SCG5: variants seen among roughly 807,000 people sequenced by gnomAD.
SCG5 encodes secretogranin V.
In SCG5, 18 loss-of-function variants were observed where a neutral mutation model predicts 25.7. The observed-to-expected ratio is 0.70, with a 90% confidence interval of 0.48 to 1.04. The LOEUF is 1.04. Ranked by LOEUF, SCG5 falls within the 50% of genes least tolerant of loss-of-function variation. The pLI is 0.00. For missense variants in SCG5, 206 were observed against 259.8 expected, an observed-to-expected ratio of 0.79 and a Z score of 1.42; for synonymous variants, 101 against 91.7, an observed-to-expected ratio of 1.10 and a Z score of -0.58.
chr15:32,647,028 T>C (rs950241016), intron 2 of SCG5, among the ~76,000 whole-genome samples: 6 of 152,236 alleles, frequency 3.9e-5, no homozygotes, highest in African/African-American at 1.4e-4. Flanking sequence ...ATGGTGCTTA[T>C]GAGCACAAAC....
intron 2 of SCG5, among the ~76,000 whole-genome samples, chr15:32,662,481 C>G (rs2054235634): frequency 6.8e-6 from 1 of 148,020 alleles, no homozygotes; most frequent in South Asian, 2.2e-4. Flanking sequence ...TATTATATAG[C>G]TTTTTGCTTT....
chr15:32,681,480 TTTTTC>T (rs1376547317), intron 3 of SCG5, among the ~76,000 whole-genome samples: 2 of 133,070 alleles, frequency 1.5e-5, no homozygotes, highest in African/African-American at 5.4e-5. Context: ...TTTCTTTTTC[TTTTTC>T]TTTTTTTTTT....
At chr15:32,667,915 T>A (rs1345488722) in intron 2 of SCG5, among the ~76,000 whole-genome samples, 1 of 152,186 alleles carries the variant, frequency 6.6e-6, no homozygotes, top group African/African-American at 2.4e-5. Flanking sequence ...CCTCAAGTGA[T>A]CCACCCGCTT....
intron 2 of SCG5, among the ~76,000 whole-genome samples, chr15:32,670,094 T>C (rs1263050135): frequency 6.6e-6 from 1 of 152,216 alleles, no homozygotes; most frequent in Non-Finnish European, 1.5e-5. Flanking sequence ...ATGTTGGCTT[T>C]GGTCCCCAAG....
intron 2 of SCG5, among the ~76,000 whole-genome samples, chr15:32,677,920 C>T (rs2054556666): frequency 6.6e-6 from 1 of 152,192 alleles, no homozygotes; most frequent in Admixed American, 6.5e-5. Flanking sequence ...TTCTTATTCA[C>T]TGCTGTGTTT....
At chr15:32,685,025 C>T (rs1357416334) in intron 4 of SCG5, among the ~76,000 whole-genome samples, 1 of 152,094 alleles carries the variant, frequency 6.6e-6, no homozygotes, top group African/African-American at 2.4e-5. Flanking sequence ...TTAATTGACA[C>T]AGAAAATTTG....
At chr15:32,646,523 A>G (rs558840376) in intron 2 of SCG5, among the ~76,000 whole-genome samples, 2 of 152,318 alleles carry the variant, frequency 1.3e-5, no homozygotes, top group Admixed American at 1.3e-4. Context: ...TTATAATGTA[A>G]TATGATCCTG....
At chr15:32,689,667 C>T (rs1485024503) in intron 4 of SCG5, among the ~76,000 whole-genome samples, 3 of 152,076 alleles carry the variant, frequency 2.0e-5, no homozygotes. Context: ...CTTCTCTTAC[C>T]CATACCATAC....
At chr15:32,672,199 C>T (rs768150634) in intron 2 of SCG5, among the ~76,000 whole-genome samples, 1 of 152,236 alleles carries the variant, frequency 6.6e-6, no homozygotes, top group East Asian at 1.9e-4. Flanking sequence ...GGGCCTGTGC[C>T]CGCTCCCTGC....
rs1477559180 is a variant in SCG5 at position 32,647,490 on chromosome 15, G to T, written c.226+3672G>T. 1.3e-5 allele frequency among the ~76,000 whole-genome samples: 2 copies of T among 152,076 alleles called. 1 individual carries two copies. Among genetic ancestry groups the T allele is most frequent in the Admixed American group, 1.3e-4 (2 of 15,270 alleles). ...TATAAATTAATGTTAGGTCAGTGAGGTATCATATATCCCATTAAAAAAAAC... is the reference window on the plus strand; with the variant it reads ...TATAAATTAATGTTAGGTCAGTGAGTTATCATATATCCCATTAAAAAAAAC... On this transcript the variant is annotated intron_variant, in intron 2 of 5. Coordinates refer to ENST00000300175, the MANE Select transcript of SCG5 (RefSeq NM_001144757.3).
rs772321930 is a variant in SCG5 at position 32,696,541 on chromosome 15, A to G, written c.571A>G (p.Arg191Gly). ...TGTCAATCCATATCTACAAGGACAG[A>G]GACTGGATAATGTTGTTGCAAAGAA... The part of the protein sequence containing the change: ...RSVNPYLQGQ[R>G]LDNVVAKKSV... The change falls in exon 6 of 6, where the codon AGA becomes GGA. Residue 191 changes from arginine to glycine, a missense_variant. Transcript: ENST00000300175. 2 of 1,612,820 alleles carry G rather than the reference A, an allele frequency of 1.2e-6. No homozygotes were observed. The highest frequency in any genetic ancestry group is 1.7e-5 in the Admixed American group (1 of 59,964).
Position 32,649,003 on chromosome 15 carries a change from G to C in SCG5, c.226+5185G>C, listed in dbSNP as rs566160190. On this transcript the variant is annotated intron_variant, in intron 2 of 5. Coordinates refer to ENST00000300175, the MANE Select transcript of SCG5 (RefSeq NM_001144757.3). ...AGCCTCCTGACCTCGTGATCCTCCC[G>C]CCTTGGCCTCCCAAAGTGCTGGGAT... 1.7e-3 allele frequency among the ~76,000 whole-genome samples: 256 copies of C among 152,162 alleles called. 1 individual carries two copies. The highest frequency in any genetic ancestry group is 0.01 in the Middle Eastern group (3 of 294).
chr15:32,663,075 A>G lies in SCG5; in HGVS notation c.227-16691A>G, dbSNP rs111486534. ...TATATATATATATATATATATATAT[A>G]TATAATATATAATATGTTATATATA... On this transcript the variant is annotated intron_variant, in intron 2 of 5. Coordinates refer to ENST00000300175, the MANE Select transcript of SCG5 (RefSeq NM_001144757.3). Among the ~76,000 whole-genome samples, 6 of 57,028 alleles carry G rather than the reference A, an allele frequency of 1.1e-4. 1 individual carries two copies. Among genetic ancestry groups the G allele is most frequent in the Non-Finnish European group, 2.5e-4 (6 of 24,284 alleles). The allele number at this position is 57,028 out of a possible 152,430, so 37.4% of individuals were successfully genotyped here.
At chr15:32,655,484 T>C (rs1240469900) in intron 2 of SCG5, among the ~76,000 whole-genome samples, 2 of 152,142 alleles carry the variant, frequency 1.3e-5, no homozygotes, top group African/African-American at 2.4e-5. Context: ...TTACAGCTGG[T>C]GGGTGCCCCC....
At chr15:32,680,188 G>C (rs1453042574) in intron 3 of SCG5, among the ~76,000 whole-genome samples, 2 of 132,010 alleles carry the variant, frequency 1.5e-5, no homozygotes, top group East Asian at 4.6e-4. Flanking sequence ...TTCTGCACTT[G>C]CTACTCTTTT....
At chr15:32,685,948 A>G (rs1212594469) in intron 4 of SCG5, among the ~76,000 whole-genome samples, 2 of 151,762 alleles carry the variant, frequency 1.3e-5, no homozygotes, top group African/African-American at 4.8e-5. Flanking sequence ...TCAAAACTAA[A>G]CTCCCTCCTT....
chr15:32,663,061 ATATATATATATATAT>A (rs2054256450), intron 2 of SCG5, among the ~76,000 whole-genome samples: 1 of 68,868 alleles, frequency 1.5e-5, no homozygotes, highest in African/African-American at 7.4e-5. Context: ...ATATATATAT[ATATATATATATATAT>A]ATAATATATA....
At chr15:32,675,518 A>C (rs867795531) in intron 2 of SCG5, among the ~76,000 whole-genome samples, 1 of 152,238 alleles carries the variant, frequency 6.6e-6, no homozygotes, top group Non-Finnish European at 1.5e-5. Context: ...TATGTTGGGA[A>C]TATATCTTAT....
chr15:32,677,091 A>G (rs1404006916), intron 2 of SCG5, among the ~76,000 whole-genome samples: 3 of 152,256 alleles, frequency 2.0e-5, no homozygotes, highest in Non-Finnish European at 4.4e-5. Context: ...TTACAAAAAT[A>G]ATATGGTAGT....
Sources: gnomAD v4.1 joint callset for allele counts (sites outside exome capture counted in the v4.1 genomes callset) on GRCh38, gnomAD v4.1.1 for gene constraint, MANE v1.5 for transcripts, NCBI Gene and HGNC (gene_info 2026-07-23, HGNC 2026-07-21) for gene names.